The following RAF1 variants were observed in gnomAD, a reference collection of about 807,000 sequenced individuals.
RAF1 encodes Raf-1 proto-oncogene, serine/threonine kinase, also known as RAF proto-oncogene serine/threonine-protein kinase.
A neutral mutation model predicts 81.1 loss-of-function variants in RAF1; 27 were observed. The observed-to-expected ratio is 0.33, with a 90% confidence interval of 0.25 to 0.46. The LOEUF (loss-of-function observed/expected upper bound fraction) is 0.46, where lower values mean the gene tolerates loss of function less well. Among genes scored for constraint, RAF1 ranks in the 20% least tolerant of loss-of-function variants. The probability of loss-of-function intolerance (pLI) is 1.00; values close to 1 mark genes in which losing one functional copy is unlikely to be tolerated. For synonymous variants in RAF1, 298 were observed against 294.0 expected (o/e 1.01, Z -0.14); for missense variants, 598 against 826.0 (o/e 0.72, Z 3.38).
chr3:12,631,150 A>G (rs2059847323), intron 1 of RAF1, among the ~76,000 whole-genome samples: 1 of 152,218 alleles, frequency 6.6e-6, no homozygotes, highest in South Asian at 2.1e-4. Flanking sequence ...CTCAGTCTCT[A>G]CAAAAAAATT....
intron 1 of RAF1, among the ~76,000 whole-genome samples, chr3:12,663,227 C>A (rs1438621715): frequency 2.0e-5 from 3 of 152,190 alleles, no homozygotes; most frequent in Non-Finnish European, 2.9e-5. Flanking sequence ...CATTCCAAAG[C>A]GTCCTGAGGC....
intron 1 of RAF1, among the ~76,000 whole-genome samples, chr3:12,639,181 C>A (rs2060113712): frequency 6.6e-6 from 1 of 152,096 alleles, no homozygotes; most frequent in Non-Finnish European, 1.5e-5. Context: ...GCCCTTCATG[C>A]TAAAAACTCT....
intron 11 of RAF1, among the ~76,000 whole-genome samples, chr3:12,598,754 C>CAAAAAAAAAAAAA (rs1491128080): frequency 9.0e-6 from 1 of 111,226 alleles, no homozygotes; most frequent in Admixed American, 9.8e-5. Context: ...AAAAAAAAAA[C>CAAAAAAAAAAAAA]CACCAAGTAC....
chr3:12,646,657 TCTC>T (rs2125549660), intron 1 of RAF1, among the ~76,000 whole-genome samples: 1 of 151,538 alleles, frequency 6.6e-6, no homozygotes, highest in South Asian at 2.1e-4. Flanking sequence ...TTCACATGAT[TCTC>T]CTGCCTCAGC....
intron 11 of RAF1, among the ~76,000 whole-genome samples, chr3:12,598,725 C>CAATAAAAAA (rs2058759253): frequency 1.6e-5 from 1 of 61,968 alleles, no homozygotes; most frequent in Non-Finnish European, 3.1e-5. Flanking sequence ...GAATCTATCT[C>CAATAAAAAA]AAAAAAAAAA....
chr3:12,617,395 G>A lies in RAF1; in HGVS notation c.207+1120C>T, dbSNP rs1411225841. Among the ~76,000 whole-genome samples, 7 of 152,004 alleles carry A rather than the reference G, an allele frequency of 4.6e-5. No individual in the cohort carries two copies. In the South Asian group the frequency reaches 6.2e-4, roughly 14 times the overall value. On this transcript the variant is annotated intron_variant, in intron 2 of 17. Transcript: ENST00000442415. Reference sequence around the variant, plus strand: ...CTCCCAAAGTGCTAGGATTACAGGCGTAAGCCACTGCACCAGGCCTACTTT... The same window carrying A: ...CTCCCAAAGTGCTAGGATTACAGGCATAAGCCACTGCACCAGGCCTACTTT...
At chr3:12,637,362 C>T (rs1339835974) in intron 1 of RAF1, among the ~76,000 whole-genome samples, 1 of 149,186 alleles carries the variant, frequency 6.7e-6, no homozygotes, top group South Asian at 2.1e-4. Flanking sequence ...TTTTTTGAGA[C>T]GGAGTTTCGC....
At chr3:12,654,149 C>T (rs2060615200) in intron 1 of RAF1, among the ~76,000 whole-genome samples, 1 of 128,702 alleles carries the variant, frequency 7.8e-6, no homozygotes, top group Non-Finnish European at 1.6e-5. Flanking sequence ...ATACCACATG[C>T]CTGACTAGTT....
chr3:12,606,420 C>T, intron 5 of RAF1, 121 bp from the exon 6 acceptor site: 1 of 726,506 alleles, frequency 1.4e-6, no homozygotes, highest in Non-Finnish European at 2.5e-6. Context: ...GTCACATTTT[C>T]CTCAACTGTT....
At chr3:12,612,605 C>T (rs2059248685) in intron 2 of RAF1, among the ~76,000 whole-genome samples, 1 of 145,936 alleles carries the variant, frequency 6.9e-6, no homozygotes, top group East Asian at 2.0e-4. Context: ...GCTGAGATCG[C>T]ACCATTGCAC....
rs201553362 is a variant in RAF1, at chr3:12,590,925, C to G, written c.1303G>C (p.Asp435His). The change falls in exon 13 of 18, where the codon GAC becomes CAC. Residue 435 changes from aspartate to histidine, a missense_variant. Physicochemically the swap from Asp to His is moderately conservative, Grantham distance 81 (BLOSUM62 -1). This residue lies in a region of RAF1 where 85 missense variants were observed against 185.6 expected (regional missense o/e 0.46). Transcript: ENST00000442415. ...CACTGGGTCACAATTGCCAGGTTGT[C>G]CTTTGTCATGTACCCCATGAAAAGC... is the stretch of plus-strand genomic sequence containing the variant. 1 of 1,613,900 alleles carries G rather than the reference C, an allele frequency of 6.2e-7. No homozygotes were observed.
At chr3:12,651,612 C>G (rs1424806697) in intron 1 of RAF1, among the ~76,000 whole-genome samples, 1 of 151,336 alleles carries the variant, frequency 6.6e-6, no homozygotes, top group African/African-American at 2.4e-5. Flanking sequence ...CGAGATCGCA[C>G]CACTGCACCC....
chr3:12,617,030 G>A (rs778632687), intron 2 of RAF1, among the ~76,000 whole-genome samples: 6 of 152,162 alleles, frequency 3.9e-5, no homozygotes, highest in African/African-American at 7.2e-5. Context: ...TGCCTCCTGG[G>A]CTCAAGCCAT....
chr3:12,588,828 G>A (rs1225691671), intron 13 of RAF1: 1 of 152,218 alleles, frequency 6.6e-6, no homozygotes, highest in Admixed American at 6.5e-5. Context: ...GTGATCCCCA[G>A]TGTTGGAGGT....
At chr3:12,662,173 A>ATT (rs111237709) in intron 1 of RAF1, among the ~76,000 whole-genome samples, 5,075 of 147,936 alleles carry the variant, frequency 0.034, 302 homozygotes, top group African/African-American at 0.12. Flanking sequence ...CATCTCTACT[A>ATT]TTTTTTTTTT....
At chr3:12,614,375 A>G (rs544384253) in intron 2 of RAF1, among the ~76,000 whole-genome samples, 1 of 152,114 alleles carries the variant, frequency 6.6e-6, no homozygotes, top group South Asian at 2.1e-4. Context: ...AAAGTGGGTA[A>G]GGGGTACATC....
chr3:12,599,941 A>G (rs573439041), intron 10 of RAF1, 133 bp from the exon 10 acceptor site: 18 of 1,213,250 alleles, frequency 1.5e-5, no homozygotes, highest in Non-Finnish European at 2.2e-5. Flanking sequence ...CATACTTCCA[A>G]TTTTTGTCTT....
At chr3:12,612,733 C>T (rs756257706) in intron 2 of RAF1, among the ~76,000 whole-genome samples, 13 of 150,686 alleles carry the variant, frequency 8.6e-5, no homozygotes, top group Non-Finnish European at 1.3e-4. Context: ...CATCAAGAGA[C>T]AGTTAAGAAA....
At chr3:12,646,980 T>C (rs1167563427) in intron 1 of RAF1, among the ~76,000 whole-genome samples, 3 of 151,314 alleles carry the variant, frequency 2.0e-5, no homozygotes, top group African/African-American at 7.3e-5. Flanking sequence ...CCACTGTGCC[T>C]GGTTTTTAAA....
Sources: allele counts gnomAD v4.1 joint callset (sites outside exome capture counted in the v4.1 genomes callset), GRCh38; gene constraint gnomAD v4.1.1; regional missense constraint gnomAD v4.1.1; transcripts MANE v1.5; gene names NCBI Gene and HGNC (gene_info 2026-07-23, HGNC 2026-07-21).